Variants in OPN4 observed in about 807,000 individuals in gnomAD.
The protein encoded by OPN4 is opsin 4, also known as melanopsin.
In OPN4, 43 loss-of-function variants were observed where a neutral mutation model predicts 49.5. The ratio of observed to expected loss-of-function variants is 0.87; its 90% CI spans 0.68 to 1.12. The LOEUF (loss-of-function observed/expected upper bound fraction) is 1.12, where lower values mean the gene tolerates loss of function less well. Among genes scored for constraint, OPN4 ranks in the 50% most tolerant of loss-of-function variants. The probability of loss-of-function intolerance (pLI) is 0.00; values close to 1 mark genes in which losing one functional copy is unlikely to be tolerated. For synonymous variants in OPN4, 263 were observed against 258.0 expected (o/e 1.02, Z -0.19); for missense variants, 657 against 643.9 (o/e 1.02, Z -0.22).
chr10:86,664,325 A>AG (rs1456245388), intron 9 of OPN4, among the ~76,000 whole-genome samples: 1 of 152,132 alleles, frequency 6.6e-6, no homozygotes, highest in Non-Finnish European at 1.5e-5. Flanking sequence ...GGTTGGACAT[A>AG]CCTGGGGAGG....
chr10:86,656,485 C>A (rs1371412523), intron 2 of OPN4, among the ~76,000 whole-genome samples, 185 bp downstream of exon 2: 3 of 152,134 alleles, frequency 2.0e-5, no homozygotes, highest in Non-Finnish European at 4.4e-5. Flanking sequence ...CGGAAAGGGC[C>A]AAAAATGGTC....
At chr10:86,662,110 G>T in intron 7 of OPN4, 142 bp from the exon 8 acceptor site, 1 of 653,456 alleles carries the variant, frequency 1.5e-6, no homozygotes, top group Non-Finnish European at 2.6e-6. Flanking sequence ...CACCTGCCAT[G>T]GTTCCCAGGG....
Position 86,654,840 on chromosome 10 carries a change from C to T in OPN4, c.57C>T (p.Cys19=), listed in dbSNP as rs771034632. ...CCAGCCCAACCCAAGAGCCCAGCTG[C>T]ATGGCCACCCCAGCACCACCCAGCT... is the stretch of plus-strand genomic sequence containing the variant. The part of the protein sequence containing the change: ...VPPSPTQEPS[C]MATPAPPSWW... Residue 19 remains cysteine, a synonymous_variant, in exon 1 of 10, where the codon TGC becomes TGT. Coordinates refer to ENST00000241891, the MANE Select transcript of OPN4 (RefSeq NM_033282.4). The T allele has an allele frequency of 1.2e-6, 2 of 1,600,780 alleles. No homozygotes were observed. Among genetic ancestry groups the T allele is most frequent in the Non-Finnish European group, 1.7e-6 (2 of 1,170,134 alleles).
Position 86,662,306 on chromosome 10 carries a change from C to T in OPN4, c.1128C>T (p.Arg376=), listed in dbSNP as rs1589590811. The stretch of plus-strand genomic sequence containing the variant: ...TGGGGGTGCTGCTGGGTGTATCACG[C>T]CGGCACAGTCGCCCCTACCCCAGCT... ...PCLGVLLGVS[R]RHSRPYPSYR... is the part of the protein sequence containing the mutation. The change falls in exon 8 of 10, where the codon CGC becomes CGT. Residue 376 remains arginine (R), a synonymous_variant. Transcript: ENST00000241891. The T allele has an allele frequency of 6.2e-7, 1 of 1,608,166 alleles. No homozygotes were observed. The highest frequency in any genetic ancestry group is 2.2e-5 in the East Asian group (1 of 44,748).
In OPN4 at chr10:86,663,744, A is replaced by T; in HGVS notation, c.1340A>T (p.Asp447Val). 1.3e-6 allele frequency: 2 copies of T among 1,573,352 alleles called. No individual in the cohort carries two copies. The highest frequency in any genetic ancestry group is 1.7e-4 in the Middle Eastern group (1 of 6,004). The change falls in exon 9 of 10, where the codon GAC (aspartate) becomes GTC (valine). Residue 447 changes from aspartate to valine, a missense_variant. Transcript: ENST00000241891. ...TCCCTCTACGGTCAGGGTCTGGAGG[A>T]CTTGGAAGCCAAGGCACCCCCCAGA... The part of the protein sequence containing the change: ...GRSLYGQGLE[D>V]LEAKAPPRPQ...
At chr10:86,656,401 G>A (rs7072128) in intron 2 of OPN4, 101 bp downstream of exon 2, 19 of 1,401,986 alleles carry the variant, frequency 1.4e-5, no homozygotes, top group African/African-American at 8.6e-5. Context: ...TCTGGCCAGG[G>A]CACTGTTGAG....
At position 86,663,666 on chromosome 10, in the gene OPN4, C is replaced by A; in HGVS notation, c.1262C>A (p.Thr421Lys). The change falls in exon 9 of 10, where the codon ACA becomes AAA. Residue 421 changes from threonine (T) to lysine (K), a missense_variant. Thr to Lys is a moderately conservative substitution (Grantham distance 78). Transcript: ENST00000241891. ...SLGSESEVGW[T>K]HMEAAAVWGA... The stretch of plus-strand genomic sequence containing the variant: ...CTCTCTCACCTCCCTCAGGGCTGGA[C>A]ACACATGGAGGCAGCAGCTGTGTGG... The A allele has an allele frequency of 6.5e-7, 1 of 1,529,698 alleles. No homozygotes were observed. The highest frequency in any genetic ancestry group is 8.8e-7 in the Non-Finnish European group (1 of 1,135,230). 94.8% of individuals were successfully genotyped at this position (1,529,698 alleles called of 1,614,324 possible).
Position 86,656,304 on chromosome 10 carries a change from C to A in OPN4, c.290+4C>A. On this transcript the variant is annotated splice_donor_region_variant and intron_variant, in intron 2 of 9. Coordinates refer to ENST00000241891, the MANE Select transcript of OPN4 (RefSeq NM_033282.4). The stretch of plus-strand genomic sequence containing the variant: ...CGGTCATCTATACCTTCTGCAGGTG[C>A]CTGGTTGGTGGTGCTGGGCCCAGGG... 1 of 1,591,466 alleles carries A rather than the reference C, an allele frequency of 6.3e-7. No homozygotes were observed. Among genetic ancestry groups the A allele is most frequent in the African/African-American group, 1.3e-5 (1 of 74,508 alleles).
chr10:86,663,766 C>A lies in OPN4; in HGVS notation c.1362C>A (p.Pro454=), dbSNP rs33936589. ...GLEDLEAKAP[P]RPQGHEAETP... ...AGGACTTGGAAGCCAAGGCACCCCC[C>A]AGACCCCAGGGACACGAAGCAGAGA... Residue 454 remains proline, a synonymous_variant, in exon 9 of 10, where the codon CCC becomes CCA. Coordinates refer to ENST00000241891, the MANE Select transcript of OPN4 (RefSeq NM_033282.4). 1.3e-5 allele frequency: 21 copies of A among 1,560,960 alleles called. No individual in the cohort carries two copies. The East Asian group carries it at 4.6e-4, about 34-fold the overall frequency.
At chr10:86,662,000 G>A (rs1250782435) in intron 7 of OPN4, among the ~76,000 whole-genome samples, 1 of 152,040 alleles carries the variant, frequency 6.6e-6, no homozygotes, top group East Asian at 1.9e-4. Flanking sequence ...ACATCCCCAG[G>A]CTCTCCCTGC....
chr10:86,660,300 C>A (rs1843973808), intron 6 of OPN4, among the ~76,000 whole-genome samples: 1 of 152,214 alleles, frequency 6.6e-6, no homozygotes, highest in Non-Finnish European at 1.5e-5. Context: ...AAGCTTTGGG[C>A]GGACGGCCTG....
Position 86,658,533 on chromosome 10 carries a change from GATCA to G in OPN4, c.475_478del (p.Ile159ProfsTer2), listed in dbSNP as rs1843925167. ...GAGCTCTCTTTGGCATTTCCTCCAT[GATCA>G]CCCTGACGGCCATCGCCCTGGACCG... On this transcript the variant is annotated frameshift_variant, in exon 4 of 10. Transcript: ENST00000241891. LOFTEE classifies it high-confidence loss of function. 1 of 1,614,226 alleles carries G rather than the reference GATCA, an allele frequency of 6.2e-7. No homozygotes were observed. Among genetic ancestry groups the G allele is most frequent in the Admixed American group, 1.7e-5 (1 of 60,026 alleles).
At chr10:86,657,089 A>C in intron 2 of OPN4, 1 of 707,292 alleles carries the variant, frequency 1.4e-6, no homozygotes, top group Non-Finnish European at 2.6e-6. Context: ...GGAGAAGGGA[A>C]CCCAGGCTGC....
At position 86,658,058 on chromosome 10, in the gene OPN4, A is replaced by G; in HGVS notation, c.317A>G (p.Asn106Ser). 2 of 1,613,672 alleles carry G rather than the reference A, an allele frequency of 1.2e-6. No individual in the cohort carries two copies. The highest frequency in any genetic ancestry group is 1.7e-6 in the Non-Finnish European group (2 of 1,180,002). Reference sequence around the variant, plus strand: ...AGCAGAAGCCTCCGGACACCTGCCAACATGTTCATTATCAACCTCGCGGTC... The same window carrying G: ...AGCAGAAGCCTCCGGACACCTGCCAGCATGTTCATTATCAACCTCGCGGTC... ...CRSRSLRTPA[N>S]MFIINLAVSD... is the part of the protein sequence containing the mutation. Residue 106 changes from asparagine to serine, a missense_variant, in exon 3 of 10, where the codon AAC becomes AGC. Asn to Ser is a conservative substitution (Grantham distance 46). Transcript: ENST00000241891.
At chr10:86,657,334 CAAT>C (rs754434229) in intron 2 of OPN4, 29 of 734,746 alleles carry the variant, frequency 3.9e-5, no homozygotes, top group Non-Finnish European at 6.9e-5. Context: ...AAAATGGGGA[CAAT>C]GACGCCTCCC....
rs913010953 is a variant in OPN4 at position 86,666,069 on chromosome 10, G to A, written c.*318G>A. 5.6e-5 allele frequency: 22 copies of A among 392,980 alleles called. 1 individual carries two copies. The highest frequency in any genetic ancestry group is 3.4e-4 in the East Asian group (7 of 20,298). 24.3% of individuals were successfully genotyped at this position (392,980 alleles called of 1,614,324 possible). A position where few individuals can be genotyped will look rare whatever the true frequency, so the allele number is the denominator to read the frequency against. Reference sequence around the variant, plus strand: ...TGCTGTGTGCTGCAATTGTCCAGGCGATGACAATGGTGATGGCTCCAGAGA... The same window carrying A: ...TGCTGTGTGCTGCAATTGTCCAGGCAATGACAATGGTGATGGCTCCAGAGA... On this transcript the variant is annotated 3_prime_UTR_variant, in exon 10 of 10. Coordinates refer to ENST00000241891, the MANE Select transcript of OPN4 (RefSeq NM_033282.4).
intron 7 of OPN4, among the ~76,000 whole-genome samples, chr10:86,661,749 G>T (rs1386435149): frequency 7.4e-6 from 1 of 135,202 alleles, no homozygotes; most frequent in Non-Finnish European, 1.6e-5. Context: ...GGAGAGCTCA[G>T]CTCTGCTCCC....
rs202219729 is a variant in OPN4 at position 86,656,135 on chromosome 10, G to A, written c.145-20G>A. 5.1e-5 allele frequency: 82 copies of A among 1,613,754 alleles called. No homozygotes were observed. Among genetic ancestry groups the A allele is most frequent in the Middle Eastern group, 1.6e-4 (1 of 6,082 alleles). ...TGACAAGCGATAACATGATTCCCTC[G>A]TTTCTCTGTCTCTCCGCAGGCACCT... On this transcript the variant is annotated intron_variant, in intron 1 of 9. Coordinates refer to ENST00000241891, the MANE Select transcript of OPN4 (RefSeq NM_033282.4).
intron 5 of OPN4, 51 bp from the exon 6 acceptor site, chr10:86,659,844 T>C (rs1843960176): frequency 6.3e-7 from 1 of 1,597,396 alleles, no homozygotes; most frequent in Non-Finnish European, 8.6e-7. Context: ...GTGACCCTGG[T>C]GCTGACTGCC....
Sources: gnomAD v4.1 joint callset for allele counts (sites outside exome capture counted in the v4.1 genomes callset) on GRCh38, gnomAD v4.1.1 for gene constraint, MANE v1.5 for transcripts, NCBI Gene and HGNC (gene_info 2026-07-23, HGNC 2026-07-21) for gene names.